Variants in RAD51B observed in about 807,000 individuals in gnomAD.
RAD51B encodes the protein RAD51 paralog B.
Under a neutral mutation model 42.2 loss-of-function variants are expected in RAD51B, and 38 were observed. The observed-to-expected ratio is 0.90, with a 90% CI of 0.70 to 1.18. The LOEUF (loss-of-function observed/expected upper bound fraction) is 1.18. Ranked by LOEUF, RAD51B falls within the 50% of genes most tolerant of loss-of-function variation. The pLI is 0.00. For synonymous variants in RAD51B, 154 were observed against 145.2 expected (o/e 1.06, Z -0.43); for missense variants, 373 against 400.7 (o/e 0.93, Z 0.59).
intron 4 of RAD51B, among the ~76,000 whole-genome samples, chr14:67,863,183 G>GTCTT (rs1381839539): frequency 3.6e-5 from 4 of 111,250 alleles, no homozygotes; most frequent in African/African-American, 1.4e-4. Context: ...TTGAGACATG[G>GTCTT]TCTTGCTTTG....
At chr14:67,832,041 T>C (rs1336545771) in intron 3 of RAD51B, among the ~76,000 whole-genome samples, 3 of 152,166 alleles carry the variant, frequency 2.0e-5, no homozygotes, top group Non-Finnish European at 4.4e-5. Context: ...ATTTCTTATA[T>C]CAAAAAATTG....
At chr14:68,441,089 A>G (rs2085274626) in intron 9 of RAD51B, among the ~76,000 whole-genome samples, 1 of 152,236 alleles carries the variant, frequency 6.6e-6, no homozygotes, top group Non-Finnish European at 1.5e-5. Context: ...CAATGTAACT[A>G]CAGTTTCTGT....
intron 9 of RAD51B, among the ~76,000 whole-genome samples, chr14:68,415,600 G>T (rs1016575444): frequency 6.6e-6 from 1 of 152,170 alleles, no homozygotes; most frequent in Non-Finnish European, 1.5e-5. Flanking sequence ...AGGAGATGGG[G>T]GGTCCTGGCA....
intron 7 of RAD51B, among the ~76,000 whole-genome samples, chr14:68,211,792 T>G (rs2079714858): frequency 6.6e-6 from 1 of 152,242 alleles, no homozygotes; most frequent in Non-Finnish European, 1.5e-5. Context: ...GGTTGTGCCC[T>G]GTACCCACAG....
At chr14:67,970,810 G>A (rs1046730366) in intron 7 of RAD51B, among the ~76,000 whole-genome samples, 8 of 151,978 alleles carry the variant, frequency 5.3e-5, no homozygotes, top group Non-Finnish European at 8.8e-5. Flanking sequence ...AAATAATTTA[G>A]ACAAAGGAGA....
intron 7 of RAD51B, among the ~76,000 whole-genome samples, chr14:68,229,328 C>T (rs2080102256): frequency 6.6e-6 from 1 of 152,184 alleles, no homozygotes; most frequent in African/African-American, 2.4e-5. Flanking sequence ...TACTCTTGGA[C>T]CACCCATGGA....
Position 68,136,575 on chromosome 14 carries a change from C to CAAAAAAAAAAAA in RAD51B, c.757-155294_757-155283dup, listed in dbSNP as rs1204817902. Reference sequence around the variant, plus strand: ...TGTGGTGACAAATGAGACTCCATCTCAAAAAAAAAAAAAAAAAAAAAAAAA... The same window carrying CAAAAAAAAAAAA: ...TGTGGTGACAAATGAGACTCCATCTCAAAAAAAAAAAAAAAAAAAAAAAAAAAAAAAAAAAAA... On this transcript the variant is annotated intron_variant, in intron 7 of 10. Coordinates refer to ENST00000471583, the MANE Select transcript of RAD51B (RefSeq NM_133510.4). Among the ~76,000 whole-genome samples the CAAAAAAAAAAAA allele has an allele frequency of 4.5e-3, 20 of 4,450 alleles. 2 individuals carry two copies. The highest frequency in any genetic ancestry group is 6.7e-3 in the African/African-American group (19 of 2,832). 2.9% of individuals were successfully genotyped at this position (4,450 alleles called of 152,430 possible).
At chr14:68,127,303 C>T (rs1417290809) in intron 7 of RAD51B, among the ~76,000 whole-genome samples, 2 of 152,144 alleles carry the variant, frequency 1.3e-5, no homozygotes, top group Non-Finnish European at 2.9e-5. Flanking sequence ...ACTCCCTGTG[C>T]TCTGCTAGGA....
chr14:67,961,619 C>T (rs1199783822), intron 7 of RAD51B, among the ~76,000 whole-genome samples: 1 of 152,126 alleles, frequency 6.6e-6, no homozygotes, highest in African/African-American at 2.4e-5. Context: ...TGTAGCTATC[C>T]TGTGAGAAGC....
At chr14:68,626,830 C>A (rs748831249) in intron 10 of RAD51B, among the ~76,000 whole-genome samples, 1 of 152,170 alleles carries the variant, frequency 6.6e-6, no homozygotes, top group South Asian at 2.1e-4. Context: ...TGAGAAGCAG[C>A]TCATGAATCT....
At chr14:68,614,815 T>C (rs1180035354), downstream of RAD51B, among the ~76,000 whole-genome samples, 1 of 152,258 alleles carries the variant, frequency 6.6e-6, no homozygotes, top group African/African-American at 2.4e-5. Context: ...ATAATGCTGC[T>C]ATGAACATTC....
intron 11 of RAD51B, among the ~76,000 whole-genome samples, chr14:68,654,638 T>C (rs936690522): frequency 5.3e-5 from 8 of 152,324 alleles, no homozygotes; most frequent in Admixed American, 3.3e-4. Flanking sequence ...TGCTTGGCAC[T>C]TCCTGCCTGC....
chr14:68,273,682 A>C (rs2081165604), intron 7 of RAD51B, among the ~76,000 whole-genome samples: 1 of 151,786 alleles, frequency 6.6e-6, no homozygotes, highest in Non-Finnish European at 1.5e-5. Context: ...AAGCACTTCC[A>C]TCATTTTTCT....
intron 9 of RAD51B, among the ~76,000 whole-genome samples, chr14:68,438,598 CA>C (rs2085204490): frequency 1.3e-5 from 2 of 152,186 alleles, no homozygotes. Context: ...CTTTAGTCAA[CA>C]TTTTGTCTTC....
intron 10 of RAD51B, among the ~76,000 whole-genome samples, chr14:68,560,963 G>A (rs531364070): frequency 9.2e-5 from 14 of 152,310 alleles, no homozygotes; most frequent in African/African-American, 3.4e-4. Context: ...CAGAAAATGG[G>A]CCAGATTCAG....
intron 10 of RAD51B, among the ~76,000 whole-genome samples, chr14:68,579,578 A>T (rs1890120248): frequency 6.6e-6 from 1 of 152,236 alleles, no homozygotes; most frequent in African/African-American, 2.4e-5. Context: ...TATTTGAGCC[A>T]TATGTATACC....
chr14:67,869,850 A>G (rs2042461688), intron 5 of RAD51B, among the ~76,000 whole-genome samples: 1 of 152,182 alleles, frequency 6.6e-6, no homozygotes, highest in Non-Finnish European at 1.5e-5. Context: ...TCATAAGTGA[A>G]GGAGAAATAA....
chr14:68,274,274 T>C (rs1437421125), intron 7 of RAD51B, among the ~76,000 whole-genome samples: 1 of 152,254 alleles, frequency 6.6e-6, no homozygotes, highest in East Asian at 1.9e-4. Flanking sequence ...TTTACATTAC[T>C]GTGACAATGT....
intron 7 of RAD51B, among the ~76,000 whole-genome samples, chr14:67,938,482 A>G (rs1595136165): frequency 6.6e-6 from 1 of 152,212 alleles, no homozygotes; most frequent in East Asian, 1.9e-4. Flanking sequence ...AATCATGAGC[A>G]TATTGCATAA....
Sources: allele counts gnomAD v4.1 joint callset (sites outside exome capture counted in the v4.1 genomes callset), GRCh38; gene constraint gnomAD v4.1.1; transcripts MANE v1.5; gene names NCBI Gene and HGNC (gene_info 2026-07-23, HGNC 2026-07-21).